PHC3: variants seen among roughly 807,000 people sequenced by gnomAD.
The protein encoded by PHC3 is polyhomeotic-like protein 3.
Under a neutral mutation model 107.4 loss-of-function variants are expected in PHC3, and 13 were observed. The ratio of observed to expected loss-of-function variants is 0.12; its 90% CI spans 0.08 to 0.19. PHC3 has a LOEUF of 0.19. PHC3 is among the 10% of genes least tolerant of loss of function. The probability of loss-of-function intolerance (pLI) is 1.00; values close to 1 mark genes in which losing one functional copy is unlikely to be tolerated. For synonymous variants in PHC3, 456 were observed against 427.4 expected (o/e 1.07, Z -0.83); for missense variants, 992 against 1,210.9 (o/e 0.82, Z 2.68).
chr3:170,104,723 C>T (rs1206389958), intron 12 of PHC3, among the ~76,000 whole-genome samples: 1 of 152,178 alleles, frequency 6.6e-6, no homozygotes, highest in Non-Finnish European at 1.5e-5. Flanking sequence ...ATAAAAAGTA[C>T]TATGATAATG....
In PHC3 at chr3:170,129,281, A is replaced by G. The variant is rs1721866323; in HGVS notation, c.1191T>C (p.Ser397=). ...IQSHPSPLTV[S]PNQSQSAQQS... The stretch of plus-strand genomic sequence containing the variant: ...GCTGTGCTGACTGTGACTGATTAGG[A>G]GACACTGTTAAAGGAGAGGGATGAC... Residue 397 remains serine, a synonymous_variant, in exon 8 of 15, where the codon TCT becomes TCC. Coordinates refer to ENST00000495893, the MANE Select transcript of PHC3 (RefSeq NM_024947.4). The G allele has an allele frequency of 6.2e-7, 1 of 1,613,960 alleles. No homozygotes were observed. The highest frequency in any genetic ancestry group is 8.5e-7 in the Non-Finnish European group (1 of 1,179,872).
chr3:170,169,144 G>C (rs1729198716), intron 4 of PHC3, among the ~76,000 whole-genome samples: 1 of 152,064 alleles, frequency 6.6e-6, no homozygotes, highest in African/African-American at 2.4e-5. Flanking sequence ...AGTTCCCCCA[G>C]GTGGTATGAC....
At chr3:170,109,253 G>A (rs762503330) in intron 11 of PHC3, among the ~76,000 whole-genome samples, 18 of 152,012 alleles carry the variant, frequency 1.2e-4, no homozygotes, top group Non-Finnish European at 1.9e-4. Context: ...TACGAACATG[G>A]CCACCCAGAT....
chr3:170,141,026 T>C (rs1463246865), intron 6 of PHC3, among the ~76,000 whole-genome samples: 1 of 152,166 alleles, frequency 6.6e-6, no homozygotes, highest in Non-Finnish European at 1.5e-5. Flanking sequence ...AATTTCTCAT[T>C]TTTACACTAT....
chr3:170,164,232 AG>A (rs1390626353), intron 4 of PHC3, among the ~76,000 whole-genome samples: 3 of 152,172 alleles, frequency 2.0e-5, no homozygotes, highest in Non-Finnish European at 4.4e-5. Flanking sequence ...AAAATACAGG[AG>A]AGCTTTAAAC....
chr3:170,168,263 G>T (rs1729037519), intron 4 of PHC3, among the ~76,000 whole-genome samples: 1 of 152,054 alleles, frequency 6.6e-6, no homozygotes, highest in South Asian at 2.1e-4. Context: ...AAAAGGAAAA[G>T]AAATATTACC....
intron 7 of PHC3, among the ~76,000 whole-genome samples, chr3:170,133,210 C>A (rs907256117): frequency 1.3e-5 from 2 of 149,492 alleles, no homozygotes; most frequent in African/African-American, 4.9e-5. Flanking sequence ...GATGGAGTCT[C>A]GCTCTTTTGC....
intron 4 of PHC3, among the ~76,000 whole-genome samples, chr3:170,156,112 A>C (rs1310165130): frequency 1.3e-5 from 2 of 152,116 alleles, no homozygotes; most frequent in African/African-American, 4.8e-5. Context: ...GCTATATAGA[A>C]ATTTTATTTT....
chr3:170,179,699 G>C (rs1196984287), intron 1 of PHC3, among the ~76,000 whole-genome samples: 2 of 152,108 alleles, frequency 1.3e-5, no homozygotes, highest in East Asian at 3.8e-4. Flanking sequence ...TTTTATACCA[G>C]ACTTTCTTCC....
At chr3:170,160,193 G>T (rs1177798860) in intron 4 of PHC3, among the ~76,000 whole-genome samples, 1 of 152,176 alleles carries the variant, frequency 6.6e-6, no homozygotes, top group East Asian at 1.9e-4. Context: ...ACATAGTAAT[G>T]AATCCCTAAA....
At chr3:170,158,673 C>T (rs148631351) in intron 4 of PHC3, among the ~76,000 whole-genome samples, 1,848 of 151,230 alleles carry the variant, frequency 0.012, 39 homozygotes, top group African/African-American at 0.042. Flanking sequence ...ACACCTGTAA[C>T]CCCAGCACTC....
At chr3:170,169,484 A>C (rs1055611569) in intron 4 of PHC3, among the ~76,000 whole-genome samples, 1 of 152,254 alleles carries the variant, frequency 6.6e-6, no homozygotes, top group Non-Finnish European at 1.5e-5. Context: ...CTTGAGCAGA[A>C]GCTCACAACG....
At chr3:170,100,862 A>G (rs1157378922) in intron 14 of PHC3, among the ~76,000 whole-genome samples, 5 of 152,138 alleles carry the variant, frequency 3.3e-5, no homozygotes, top group Non-Finnish European at 7.4e-5. Flanking sequence ...CAGGATATAA[A>G]CCAACTCTCT....
chr3:170,181,362 G>A (rs1470161747), intron 1 of PHC3, among the ~76,000 whole-genome samples: 1 of 152,280 alleles, frequency 6.6e-6, no homozygotes, highest in Middle Eastern at 3.4e-3. Context: ...TGCCCGCGGG[G>A]CCCACTTGCA....
intron 7 of PHC3, among the ~76,000 whole-genome samples, chr3:170,133,772 A>G (rs1239857843): frequency 1.3e-5 from 2 of 152,176 alleles, no homozygotes; most frequent in African/African-American, 4.8e-5. Flanking sequence ...GCAAACTATA[A>G]GCATATTATC....
At chr3:170,159,061 C>A (rs1727396904) in intron 4 of PHC3, among the ~76,000 whole-genome samples, 1 of 151,788 alleles carries the variant, frequency 6.6e-6, no homozygotes, top group Admixed American at 6.6e-5. Flanking sequence ...ACCATCCTGG[C>A]TAACATGGTG....
chr3:170,178,920 T>G lies in PHC3; in HGVS notation c.33A>C (p.Thr11=). The change falls in exon 2 of 15, where the codon ACA becomes ACC. Residue 11 remains threonine (T), a synonymous_variant. Transcript: ENST00000495893. MAEAEFKDHS[T]AMDTEPNPGT... is the part of the protein sequence containing the mutation. ...CCGGGTTTGGTTCAGTATCCATAGC[T>G]GTACTATGGTCCTTAAATCTGGCAG... is the stretch of plus-strand genomic sequence containing the variant. 6.2e-7 allele frequency: 1 copy of G among 1,613,392 alleles called. No individual in the cohort carries two copies. Among genetic ancestry groups the G allele is most frequent in the Non-Finnish European group, 8.5e-7 (1 of 1,179,506 alleles).
intron 6 of PHC3, among the ~76,000 whole-genome samples, chr3:170,142,808 T>C (rs1724316204): frequency 6.6e-6 from 1 of 152,136 alleles, no homozygotes; most frequent in Admixed American, 6.6e-5. Flanking sequence ...AAAAATAAAA[T>C]TTAAAATGTT....
At chr3:170,149,518 G>A (rs1049306973) in intron 4 of PHC3, among the ~76,000 whole-genome samples, 3 of 151,924 alleles carry the variant, frequency 2.0e-5, no homozygotes, top group Non-Finnish European at 2.9e-5. Context: ...GCAAGTGCGC[G>A]ATTTTGGCTC....
Sources: gnomAD v4.1 joint callset for allele counts (sites outside exome capture counted in the v4.1 genomes callset) on GRCh38, gnomAD v4.1.1 for gene constraint, MANE v1.5 for transcripts, NCBI Gene and HGNC (gene_info 2026-07-23, HGNC 2026-07-21) for gene names.